BPIFB2: variants seen among roughly 807,000 people sequenced by gnomAD.
The protein encoded by BPIFB2 is BPI fold containing family B member 2, also known as BPI fold-containing family B member 2.
A neutral mutation model predicts 50.1 loss-of-function variants in BPIFB2; 39 were observed. The ratio of observed to expected loss-of-function variants is 0.78; its 90% CI spans 0.60 to 1.02. BPIFB2 has a LOEUF of 1.02. BPIFB2 is among the 50% of genes least tolerant of loss of function. The probability of loss-of-function intolerance (pLI) is 0.00; values close to 1 mark genes in which losing one functional copy is unlikely to be tolerated. For missense variants in BPIFB2, 574 were observed against 585.8 expected, an observed-to-expected ratio of 0.98 and a Z score of 0.21; for synonymous variants, 280 against 256.3, an observed-to-expected ratio of 1.09 and a Z score of -0.88.
chr20:33,016,944 G>T, intron 6 of BPIFB2, 98 bp from the exon 7 acceptor site: 1 of 1,097,076 alleles, frequency 9.1e-7, no homozygotes, highest in Non-Finnish European at 1.3e-6. Flanking sequence ...ATGGGTTGGG[G>T]AGGCTTCTAG....
intron 4 of BPIFB2, 64 bp from the exon 5 acceptor site, chr20:33,013,746 A>G: frequency 6.4e-7 from 1 of 1,558,096 alleles, no homozygotes; most frequent in Non-Finnish European, 8.7e-7. Context: ...TGTAAGATCT[A>G]TCATCAGTCA....
chr20:33,021,923 A>C (rs1978688887), intron 15 of BPIFB2, 124 bp downstream of exon 15: 1 of 961,886 alleles, frequency 1.0e-6, no homozygotes, highest in African/African-American at 1.6e-5. Flanking sequence ...CTTAACTGCA[A>C]TGAAATGAAA....
intron 9 of BPIFB2, 42 bp downstream of exon 9, chr20:33,018,864 C>T (rs373877757): frequency 9.0e-5 from 143 of 1,588,124 alleles, no homozygotes; most frequent in Admixed American, 5.2e-5. Context: ...GGGGCAAGAG[C>T]TCCCTGTGGC....
chr20:33,018,056 G>T (rs746714712), intron 7 of BPIFB2, among the ~76,000 whole-genome samples: 1 of 152,204 alleles, frequency 6.6e-6, no homozygotes, highest in Non-Finnish European at 1.5e-5. Context: ...GAGTCAGCAG[G>T]CTGTGAGTAG....
intron 11 of BPIFB2, 60 bp from the exon 12 acceptor site, chr20:33,020,268 G>A: frequency 2.6e-6 from 4 of 1,528,790 alleles, no homozygotes; most frequent in Middle Eastern, 3.4e-4. Flanking sequence ...GGGAGGCTGG[G>A]TGGCTGGTGC....
chr20:33,020,263 G>A, intron 11 of BPIFB2, 65 bp from the exon 12 acceptor site: 1 of 1,486,444 alleles, frequency 6.7e-7, no homozygotes, highest in Non-Finnish European at 9.4e-7. Context: ...TGGGTGGGAG[G>A]CTGGGTGGCT....
At chr20:33,008,320 T>C (rs1335125213) in intron 1 of BPIFB2, among the ~76,000 whole-genome samples, 1 of 152,144 alleles carries the variant, frequency 6.6e-6, no homozygotes, top group Admixed American at 6.5e-5. Context: ...TCTCTGGGCA[T>C]TGCGGGTCAT....
At chr20:33,016,886 C>A (rs1213492184) in intron 6 of BPIFB2, among the ~76,000 whole-genome samples, 156 bp from the exon 7 acceptor site, 1 of 152,256 alleles carries the variant, frequency 6.6e-6, no homozygotes, top group Non-Finnish European at 1.5e-5. Context: ...GAAGGGGTCC[C>A]AGGAGATGCC....
rs1228059077 is a variant in BPIFB2 at position 33,018,640 on chromosome 20, G to A, written c.673G>A (p.Val225Ile). Residue 225 changes from valine to isoleucine, a missense_variant, in exon 9 of 16, where the codon GTT becomes ATT. Coordinates refer to ENST00000170150, the MANE Select transcript of BPIFB2 (RefSeq NM_025227.3). ...SDYISLEVNA[V>I]LFLLGKPIIL... ...CTTCCCCCTCCCACCCCTACAGGCT[G>A]TTCTCTTCCTGCTGGGCAAGCCCAT... 6.2e-7 allele frequency: 1 copy of A among 1,611,228 alleles called. No homozygotes were observed. The highest frequency in any genetic ancestry group is 1.7e-5 in the Admixed American group (1 of 59,800).
At chr20:33,019,212 A>G (rs1467709640) in intron 10 of BPIFB2, 97 bp downstream of exon 10, 2 of 1,463,816 alleles carry the variant, frequency 1.4e-6, no homozygotes, top group African/African-American at 1.4e-5. Context: ...ATCTGTCCCA[A>G]GTGAAGTTCA....
intron 15 of BPIFB2, 84 bp from the exon 16 acceptor site, chr20:33,023,258 A>G: frequency 7.3e-7 from 1 of 1,365,802 alleles, no homozygotes; most frequent in Non-Finnish European, 1.0e-6. Flanking sequence ...ATGGCAGAGC[A>G]GAACTCAGAG....
chr20:33,022,279 A>T (rs1978703054), intron 15 of BPIFB2, among the ~76,000 whole-genome samples: 1 of 152,186 alleles, frequency 6.6e-6, no homozygotes, highest in Non-Finnish European at 1.5e-5. Flanking sequence ...ATAAAAGGAA[A>T]TTCAGTCAGC....
At chr20:33,022,358 C>A (rs928790417) in intron 15 of BPIFB2, among the ~76,000 whole-genome samples, 1 of 152,218 alleles carries the variant, frequency 6.6e-6, no homozygotes, top group African/African-American at 2.4e-5. Context: ...CTGTTCATAC[C>A]CGATGAGTGT....
rs1801290530 is a variant in BPIFB2 at position 33,015,623 on chromosome 20, T to A, written c.516+127T>A. ...TTAAAAAAAAAAAAAAGACGCCCCT[T>A]CATGGTCCCCATGAAGGCAGGGAAA... On this transcript the variant is annotated intron_variant, in intron 6 of 15. Transcript: ENST00000170150. 1.1e-5 allele frequency: 9 copies of A among 834,152 alleles called. No homozygotes were observed. In the South Asian group the frequency reaches 1.3e-4, roughly 12 times the overall value. The allele number at this position is 834,152 out of a possible 1,614,324, so 51.7% of individuals were successfully genotyped here.
intron 1 of BPIFB2, 26 bp from the exon 2 acceptor site, chr20:33,008,515 C>A: frequency 2.1e-6 from 3 of 1,425,522 alleles, no homozygotes; most frequent in Non-Finnish European, 2.8e-6. Flanking sequence ...TTTGGCTGAG[C>A]TCCCTGATGC....
chr20:33,021,216 T>C (rs1978653781), intron 13 of BPIFB2, 65 bp from the exon 14 acceptor site: 3 of 1,540,186 alleles, frequency 1.9e-6, no homozygotes, highest in South Asian at 1.1e-5. Flanking sequence ...TGTATGTGCC[T>C]GACTGTCCAT....
chr20:33,008,508 G>A (rs1990240184), intron 1 of BPIFB2, 33 bp from the exon 2 acceptor site: 1 of 1,382,054 alleles, frequency 7.2e-7, no homozygotes, highest in Non-Finnish European at 9.8e-7. Context: ...GGGCTGTTTT[G>A]GCTGAGCTCC....
At chr20:33,019,346 C>G (rs1053658281) in intron 10 of BPIFB2, among the ~76,000 whole-genome samples, 1 of 152,140 alleles carries the variant, frequency 6.6e-6, no homozygotes, top group Non-Finnish European at 1.5e-5. Context: ...TTTCTCCTCC[C>G]TTTCCCTTAT....
At chr20:33,015,525 G>A in intron 6 of BPIFB2, 29 bp downstream of exon 6, 1 of 1,574,582 alleles carries the variant, frequency 6.4e-7, no homozygotes, top group Non-Finnish European at 8.7e-7. Context: ...TCTCAGAAAG[G>A]AGGGCATGGC....
Sources: allele counts gnomAD v4.1 joint callset (sites outside exome capture counted in the v4.1 genomes callset), GRCh38; gene constraint gnomAD v4.1.1; transcripts MANE v1.5; gene names NCBI Gene and HGNC (gene_info 2026-07-23, HGNC 2026-07-21).